Variants in SLC6A7 observed in about 807,000 individuals in gnomAD.
The protein encoded by SLC6A7 is sodium-dependent proline transporter.
A neutral mutation model predicts 73.1 loss-of-function variants in SLC6A7; 58 were observed. The ratio of observed to expected loss-of-function variants is 0.79; its 90% CI spans 0.64 to 0.99. The LOEUF is 0.99. SLC6A7 is among the 50% of genes least tolerant of loss of function. SLC6A7 has a pLI of 0.00. For synonymous variants in SLC6A7, 338 were observed against 338.7 expected, an observed-to-expected ratio of 1.00 and a Z score of 0.02; for missense variants, 783 against 831.4, an observed-to-expected ratio of 0.94 and a Z score of 0.72.
chr5:150,196,135 C>T (rs902415122), intron 2 of SLC6A7, among the ~76,000 whole-genome samples: 2 of 152,210 alleles, frequency 1.3e-5, no homozygotes, highest in Admixed American at 1.3e-4. Flanking sequence ...TGAACCCCCT[C>T]CTTCCAGCCC....
At position 150,202,406 on chromosome 5, in the gene SLC6A7, C is replaced by G; in HGVS notation, c.918C>G (p.Leu306=). The change falls in exon 7 of 14, where the codon CTC becomes CTG. Residue 306 remains leucine, a synonymous_variant. Coordinates refer to ENST00000230671, the MANE Select transcript of SLC6A7 (RefSeq NM_014228.5). ...CCCTGGGTGTGGGCTTCGGGGGGCT[C>G]CTCACCTTTGCCTCCTACAACACGT... The part of the protein sequence containing the change: ...FYSLGVGFGG[L]LTFASYNTFH... 6.2e-7 allele frequency: 1 copy of G among 1,614,132 alleles called. No individual in the cohort carries two copies. Among genetic ancestry groups the G allele is most frequent in the Non-Finnish European group, 8.5e-7 (1 of 1,179,968 alleles).
At chr5:150,198,737 G>A (rs1242477883) in intron 4 of SLC6A7, among the ~76,000 whole-genome samples, 2 of 152,126 alleles carry the variant, frequency 1.3e-5, no homozygotes, top group Non-Finnish European at 2.9e-5. Context: ...GAGGCAATGG[G>A]AGGGAACCAG....
intron 1 of SLC6A7, among the ~76,000 whole-genome samples, chr5:150,191,051 G>C (rs966615413): frequency 6.6e-6 from 1 of 152,162 alleles, no homozygotes; most frequent in South Asian, 2.1e-4. Flanking sequence ...CAAGCTGTCA[G>C]GATATGGGGA....
In SLC6A7 at chr5:150,209,721, G is replaced by A. The variant is rs1753880039; in HGVS notation, c.*106G>A. On this transcript the variant is annotated 3_prime_UTR_variant, in exon 14 of 14. Coordinates refer to ENST00000230671, the MANE Select transcript of SLC6A7 (RefSeq NM_014228.5). ...TCTGGGATTCTGAGAGGCTATGGGG[G>A]GGCCTGCCATAGGGATGCCAGTCCC... 1.3e-5 allele frequency: 12 copies of A among 953,162 alleles called. No individual in the cohort carries two copies. The South Asian group carries it at 1.7e-4, about 14-fold the overall frequency. The allele number at this position is 953,162 out of a possible 1,614,324, so 59.0% of individuals were successfully genotyped here.
At chr5:150,204,156 AC>A (rs1753558258) in intron 10 of SLC6A7, 118 bp downstream of exon 10, 2 of 1,011,086 alleles carry the variant, frequency 2.0e-6, no homozygotes, top group Non-Finnish European at 2.9e-6. Flanking sequence ...TTTGCAAGGA[AC>A]CCAGTCCCTC....
At chr5:150,193,208 C>A (rs1312516415) in intron 1 of SLC6A7, among the ~76,000 whole-genome samples, 1 of 152,228 alleles carries the variant, frequency 6.6e-6, no homozygotes, top group Admixed American at 6.5e-5. Flanking sequence ...TGGCCAATAG[C>A]CAGTTTCTGG....
chr5:150,202,362 G>A lies in SLC6A7; in HGVS notation c.874G>A (p.Ala292Thr), dbSNP rs1753425830. The change falls in exon 7 of 14, where the codon GCT becomes ACT. Residue 292 changes from alanine (A) to threonine (T), a missense_variant. Coordinates refer to ENST00000230671, the MANE Select transcript of SLC6A7 (RefSeq NM_014228.5). The part of the protein sequence containing the change: ...LLSSKVWIEA[A>T]LQIFYSLGVG... The stretch of plus-strand genomic sequence containing the variant: ...CCCGGCACAGGTGTGGATTGAAGCT[G>A]CTCTTCAGATCTTCTATTCCCTGGG... 7 of 1,613,584 alleles carry A rather than the reference G, an allele frequency of 4.3e-6. No individual in the cohort carries two copies. Among genetic ancestry groups the A allele is most frequent in the Non-Finnish European group, 5.9e-6 (7 of 1,179,464 alleles).
chr5:150,198,115 G>GAAAGGAAAGAAAA (rs1224170798), intron 4 of SLC6A7, among the ~76,000 whole-genome samples: 3 of 77,534 alleles, frequency 3.9e-5, no homozygotes, highest in African/African-American at 8.1e-5. Flanking sequence ...AAGAAAGAAA[G>GAAAGGAAAGAAAA]AGAAAGAAAG....
rs771776054 is a variant in SLC6A7, at chr5:150,199,313, G to A, written c.670G>A (p.Ala224Thr). 1 of 1,614,104 alleles carries A rather than the reference G, an allele frequency of 6.2e-7. No homozygotes were observed. The highest frequency in any genetic ancestry group is 1.7e-5 in the Admixed American group (1 of 60,020). The change falls in exon 5 of 14, where the codon GCC becomes ACC. Residue 224 changes from alanine (A) to threonine (T), a missense_variant. Transcript: ENST00000230671. ...RWNLCLCLLL[A>T]WVIVFLCILK... ...GAACCTCTGCCTCTGCCTGCTGCTGGCCTGGGTCATCGTGTTCCTCTGTAT... is the reference window on the plus strand; with the variant it reads ...GAACCTCTGCCTCTGCCTGCTGCTGACCTGGGTCATCGTGTTCCTCTGTAT...
At chr5:150,195,089 C>A in intron 2 of SLC6A7, 178 bp downstream of exon 2, 1 of 564,986 alleles carries the variant, frequency 1.8e-6, no homozygotes, top group African/African-American at 1.9e-5. Context: ...TCTTGTCCTT[C>A]TCATCACCCA....
At chr5:150,198,101 A>AAGAG (rs1403840373) in intron 4 of SLC6A7, among the ~76,000 whole-genome samples, 1 of 105,814 alleles carries the variant, frequency 9.5e-6, no homozygotes, top group African/African-American at 3.6e-5. Flanking sequence ...GAAAGAAAGA[A>AAGAG]AGAAAGAAAG....
Position 150,194,736 on chromosome 5 carries a change from C to A in SLC6A7, c.42C>A (p.Thr14=). 6.2e-7 allele frequency: 1 copy of A among 1,613,690 alleles called. No homozygotes were observed. The highest frequency in any genetic ancestry group is 2.2e-5 in the East Asian group (1 of 44,858). ...GTCTCTCTCATTGGCAGCCTGTCAC[C>A]CCAGACCTGCTGATGACCCCCAGTG... ...LQGAHLRKPV[T]PDLLMTPSDQ... is the part of the protein sequence containing the mutation. Residue 14 remains threonine, a synonymous_variant, in exon 2 of 14, where the codon ACC becomes ACA. Coordinates refer to ENST00000230671, the MANE Select transcript of SLC6A7 (RefSeq NM_014228.5).
chr5:150,207,084 C>T (rs1198203805), intron 13 of SLC6A7, among the ~76,000 whole-genome samples: 1 of 152,208 alleles, frequency 6.6e-6, no homozygotes, highest in African/African-American at 2.4e-5. Flanking sequence ...TTGCCAGCCT[C>T]GCGGCCCTAA....
Position 150,202,595 on chromosome 5 carries a change from A to G in SLC6A7, c.979A>G (p.Thr327Ala). The change falls in exon 8 of 14, where the codon ACT (threonine) becomes GCT (alanine). Residue 327 changes from threonine (T) to alanine (A), a missense_variant. Physicochemically the swap from Thr to Ala is moderately conservative, Grantham distance 58. Transcript: ENST00000230671. ...TTCTGGTAGAGACACTTTCATCGTC[A>G]CTCTGGGCAACGCCATCACCAGCAT... ...QNIYRDTFIV[T>A]LGNAITSILA... The G allele has an allele frequency of 6.2e-7, 1 of 1,614,082 alleles. No individual in the cohort carries two copies. Among genetic ancestry groups the G allele is most frequent in the Non-Finnish European group, 8.5e-7 (1 of 1,180,014 alleles).
chr5:150,203,634 C>A, intron 8 of SLC6A7, 33 bp from the exon 9 acceptor site: 1 of 1,126,874 alleles, frequency 8.9e-7, no homozygotes, highest in Non-Finnish European at 1.4e-6. Flanking sequence ...ACCGCATGAC[C>A]CAAGCTGCTG....
intron 13 of SLC6A7, among the ~76,000 whole-genome samples, chr5:150,207,066 T>C (rs1753735622): frequency 6.6e-6 from 1 of 152,332 alleles, no homozygotes; most frequent in Non-Finnish European, 1.5e-5. Flanking sequence ...GAATCCTGCC[T>C]CTGCCATTTG....
intron 12 of SLC6A7, 114 bp downstream of exon 12, chr5:150,205,041 G>T (rs1753614392): frequency 1.5e-6 from 1 of 651,396 alleles, no homozygotes; most frequent in South Asian, 1.9e-5. Flanking sequence ...AGGGCTGTGG[G>T]GTGGCCACCA....
chr5:150,194,474 G>A (rs1291973235), intron 1 of SLC6A7, among the ~76,000 whole-genome samples: 1 of 151,420 alleles, frequency 6.6e-6, no homozygotes, highest in African/African-American at 2.4e-5. Flanking sequence ...TTTGGCATCT[G>A]TGTTAGCCAG....
chr5:150,209,571 G>T lies in SLC6A7; in HGVS notation c.1867G>T (p.Glu623Ter). The T allele has an allele frequency of 1.9e-6, 3 of 1,613,384 alleles. No homozygotes were observed. The highest frequency in any genetic ancestry group is 2.5e-6 in the Non-Finnish European group (3 of 1,179,666). The stretch of plus-strand genomic sequence containing the variant: ...CACCAGCTTCGAGAACACGGCCATC[G>T]AGGTGGACCGTGAGATTGCAGAGGA... Reference protein sequence around the residue: ...GITSFENTAIEVDREIAEEEE... With the variant: ...GITSFENTAI The change falls in exon 14 of 14, where the codon GAG becomes TAG. Residue 623 changes from glutamate (E) to a stop codon, truncating the protein, a stop_gained. Transcript: ENST00000230671. LOFTEE classifies it high-confidence loss of function.
Sources: allele counts gnomAD v4.1 joint callset (sites outside exome capture counted in the v4.1 genomes callset), GRCh38; gene constraint gnomAD v4.1.1; transcripts MANE v1.5; gene names NCBI Gene and HGNC (gene_info 2026-07-23, HGNC 2026-07-21).